PTPN12: variants seen among roughly 807,000 people sequenced by gnomAD.
PTPN12 encodes the protein protein tyrosine phosphatase non-receptor type 12.
In PTPN12, 29 loss-of-function variants were observed where a neutral mutation model predicts 97.6. That is an observed-to-expected ratio of 0.30 (90% confidence interval 0.22 to 0.41). The LOEUF (loss-of-function observed/expected upper bound fraction) is 0.41. Ranked by LOEUF, PTPN12 falls within the 10% of genes least tolerant of loss-of-function variation. PTPN12 has a pLI of 1.00. For missense variants in PTPN12, 819 were observed against 926.0 expected (o/e 0.88, Z 1.50); for synonymous variants, 327 against 300.4 (o/e 1.09, Z -0.91).
At chr7:77,570,925 A>G (rs1018522679) in intron 1 of PTPN12, among the ~76,000 whole-genome samples, 153 bp from the exon 2 acceptor site, 5 of 152,230 alleles carry the variant, frequency 3.3e-5, no homozygotes, top group African/African-American at 1.2e-4. Flanking sequence ...TATAAAAGAA[A>G]TTATCCTTGG....
At chr7:77,581,933 G>A (rs1787528304) in intron 3 of PTPN12, among the ~76,000 whole-genome samples, 1 of 151,948 alleles carries the variant, frequency 6.6e-6, no homozygotes, top group African/African-American at 2.4e-5. Context: ...TGGGATTACT[G>A]GATAATACTG....
intron 12 of PTPN12, among the ~76,000 whole-genome samples, chr7:77,619,262 T>C (rs1237542134): frequency 1.3e-5 from 2 of 152,228 alleles, no homozygotes; most frequent in Non-Finnish European, 2.9e-5. Context: ...CTGCCAAAAC[T>C]GATCGACTTC....
At chr7:77,537,987 G>A in intron 1 of PTPN12, 2 of 1,001,334 alleles carry the variant, frequency 2.0e-6, no homozygotes, top group Non-Finnish European at 2.4e-6. Context: ...CCGGGGGGGG[G>A]GGCTCGCGTT....
At chr7:77,560,652 T>C (rs373834132) in intron 1 of PTPN12, among the ~76,000 whole-genome samples, 2 of 152,174 alleles carry the variant, frequency 1.3e-5, no homozygotes, top group African/African-American at 2.4e-5. Flanking sequence ...TTATAAAATA[T>C]TGTCTTTTTG....
In PTPN12 at chr7:77,611,003, A is replaced by G; in HGVS notation, c.896A>G (p.Gln299Arg). ...AIAQLFEKQL[Q>R]LYEIHGAQKI... ...GCCCAACTGTTTGAAAAACAGCTAC[A>G]ACTATATGAAATTCATGGAGCTCAG... Residue 299 changes from glutamine to arginine, a missense_variant, in exon 11 of 18, where the codon CAA (glutamine) becomes CGA (arginine). Transcript: ENST00000248594. 1 of 1,613,454 alleles carries G rather than the reference A, an allele frequency of 6.2e-7. No homozygotes were observed. The highest frequency in any genetic ancestry group is 8.5e-7 in the Non-Finnish European group (1 of 1,179,692).
chr7:77,581,652 T>G (rs2151331023), intron 3 of PTPN12, 149 bp downstream of exon 3: 2 of 447,930 alleles, frequency 4.5e-6, no homozygotes, highest in South Asian at 1.0e-4. Context: ...TGTTTTTATA[T>G]GCTTTCCTTC....
At chr7:77,550,396 GACTAAA>G (rs932895924) in intron 1 of PTPN12, among the ~76,000 whole-genome samples, 6 of 151,982 alleles carry the variant, frequency 3.9e-5, no homozygotes, top group Non-Finnish European at 5.9e-5. Flanking sequence ...TTTATAAATA[GACTAAA>G]ATTAAAATAT....
intron 12 of PTPN12, among the ~76,000 whole-genome samples, chr7:77,621,428 G>A (rs552921303): frequency 4.3e-4 from 65 of 152,260 alleles, no homozygotes; most frequent in Middle Eastern, 3.4e-3. Flanking sequence ...CAGCATTTTG[G>A]GAGGCCAAGG....
chr7:77,618,606 GT>G (rs1788832789), intron 12 of PTPN12, 41 bp downstream of exon 12: 1 of 1,278,558 alleles, frequency 7.8e-7, no homozygotes, highest in Non-Finnish European at 1.1e-6. Context: ...AAGCATACTT[GT>G]TTCTACTCAC....
At chr7:77,568,725 A>G (rs1172086405) in intron 1 of PTPN12, among the ~76,000 whole-genome samples, 3 of 152,208 alleles carry the variant, frequency 2.0e-5, no homozygotes, top group Non-Finnish European at 4.4e-5. Flanking sequence ...ACATTTTATA[A>G]TTAAACTCAA....
chr7:77,626,859 C>T lies in PTPN12; in HGVS notation c.1180C>T (p.His394Tyr), dbSNP rs1789205834. ...TAGATACCATCCAAAGCCAGTGTTG[C>T]ATATGGTTTCATCAGAACAACATTC... ...NDRYHPKPVL[H>Y]MVSSEQHSAD... The change falls in exon 13 of 18, where the codon CAT (histidine) becomes TAT (tyrosine). Residue 394 changes from histidine (H) to tyrosine (Y), a missense_variant. Around this residue, in one of 5 missense-constraint regions of PTPN12, gnomAD observed 607 missense variants for 577.3 expected, o/e 1.05. Transcript: ENST00000248594. The T allele has an allele frequency of 1.9e-6, 3 of 1,613,496 alleles. No individual in the cohort carries two copies. Among genetic ancestry groups the T allele is most frequent in the Non-Finnish European group, 2.5e-6 (3 of 1,179,504 alleles).
chr7:77,564,746 G>GGTTTTTTTTTTTTTTTTTTTT (rs1808162192), intron 1 of PTPN12, among the ~76,000 whole-genome samples: 1 of 45,370 alleles, frequency 2.2e-5, no homozygotes, highest in Non-Finnish European at 3.8e-5. Context: ...TTGTTGTCGT[G>GGTTTTTTTTTTTTTTTTTTTT]TTTTTTTTTT....
chr7:77,638,875 ATACT>A, intron 17 of PTPN12, 144 bp downstream of exon 17: 1 of 1,284,708 alleles, frequency 7.8e-7, no homozygotes, highest in Non-Finnish European at 1.0e-6. Context: ...AATAAATGAA[ATACT>A]TAATTCTATT....
At chr7:77,612,658 G>C (rs1197099681) in intron 11 of PTPN12, among the ~76,000 whole-genome samples, 1 of 151,818 alleles carries the variant, frequency 6.6e-6, no homozygotes, top group Non-Finnish European at 1.5e-5. Context: ...GGCTGGTCTC[G>C]AACTCCCAAC....
At chr7:77,568,123 A>G (rs748664300) in intron 1 of PTPN12, among the ~76,000 whole-genome samples, 4 of 152,234 alleles carry the variant, frequency 2.6e-5, no homozygotes, top group Non-Finnish European at 5.9e-5. Context: ...TTATTTTAAT[A>G]GAGCATTCTC....
intron 1 of PTPN12, among the ~76,000 whole-genome samples, chr7:77,539,429 G>T (rs914729722): frequency 2.6e-5 from 4 of 152,120 alleles, no homozygotes; most frequent in African/African-American, 9.7e-5. Context: ...ATCTGAAAGG[G>T]TTAAGGAAAA....
chr7:77,584,600 G>A (rs1206129401), intron 4 of PTPN12, among the ~76,000 whole-genome samples: 2 of 152,070 alleles, frequency 1.3e-5, no homozygotes, highest in South Asian at 2.1e-4. Context: ...TAGATTGGCC[G>A]CGTGGGGTGG....
chr7:77,569,313 A>T (rs1808378917), intron 1 of PTPN12, among the ~76,000 whole-genome samples: 1 of 152,168 alleles, frequency 6.6e-6, no homozygotes, highest in Admixed American at 6.5e-5. Flanking sequence ...CCTGCTTTTT[A>T]CATTTATACT....
rs146138004 is a variant in PTPN12, at chr7:77,571,043, C to G, written c.100-35C>G. 3.1e-4 allele frequency: 438 copies of G among 1,401,376 alleles called. 4 individuals carry two copies. In the East Asian group the frequency reaches 9.7e-3, roughly 31 times the overall value. 86.8% of individuals were successfully genotyped at this position (1,401,376 alleles called of 1,614,324 possible). Reference sequence around the variant, plus strand: ...TAAAAATTTGAAAATATCACTGTTTCTCTAAACTTTAATTTTTATTTGTTG... The same window carrying G: ...TAAAAATTTGAAAATATCACTGTTTGTCTAAACTTTAATTTTTATTTGTTG... On this transcript the variant is annotated intron_variant, in intron 1 of 17. Coordinates refer to ENST00000248594, the MANE Select transcript of PTPN12 (RefSeq NM_002835.4).
Sources: gnomAD v4.1 joint callset for allele counts (sites outside exome capture counted in the v4.1 genomes callset) on GRCh38, gnomAD v4.1.1 for gene constraint, gnomAD v4.1.1 regional missense constraint, MANE v1.5 for transcripts, NCBI Gene and HGNC (gene_info 2026-07-23, HGNC 2026-07-21) for gene names.